Variants in DHX33 observed in about 807,000 individuals in gnomAD.
DHX33 encodes the protein DEAH-box helicase 33.
In DHX33, 42 loss-of-function variants were observed where a neutral mutation model predicts 72.5. The ratio of observed to expected loss-of-function variants is 0.58; its 90% CI spans 0.45 to 0.75. The LOEUF (loss-of-function observed/expected upper bound fraction) is 0.75, where lower values mean the gene tolerates loss of function less well. Ranked by LOEUF, DHX33 falls within the 30% of genes least tolerant of loss-of-function variation. The pLI is 0.00. For missense variants in DHX33, 842 were observed against 917.5 expected, an observed-to-expected ratio of 0.92 and a Z score of 1.06; for synonymous variants, 358 against 366.1, an observed-to-expected ratio of 0.98 and a Z score of 0.25.
intron 8 of DHX33, 86 bp downstream of exon 8, chr17:5,453,494 C>T (rs1917043914): frequency 9.5e-7 from 1 of 1,047,432 alleles, no homozygotes; most frequent in African/African-American, 1.6e-5. Context: ...AAGGAGATGA[C>T]CAATATACTT....
intron 1 of DHX33, among the ~76,000 whole-genome samples, chr17:5,465,582 T>G (rs150138155): frequency 1.3e-5 from 2 of 152,362 alleles, no homozygotes; most frequent in East Asian, 3.9e-4. Context: ...TCCAAAACTT[T>G]TTGAGCATCT....
rs1916537050 is a variant in DHX33 at position 5,444,094 on chromosome 17, C to G, written c.*111G>C. 3.1e-6 allele frequency: 4 copies of G among 1,305,044 alleles called. No individual in the cohort carries two copies. The highest frequency in any genetic ancestry group is 4.2e-6 in the Non-Finnish European group (4 of 960,666). The allele number at this position is 1,305,044 out of a possible 1,614,324, so 80.8% of individuals were successfully genotyped here. A position where few individuals can be genotyped will look rare whatever the true frequency, so the allele number is the denominator to read the frequency against. ...CTTTCACGCTCCTGGAAGTCAGGCA[C>G]CTTCAGCTGATTCCAAGGCTTCTCT... On this transcript the variant is annotated 3_prime_UTR_variant, in exon 12 of 12. Coordinates refer to ENST00000225296, the MANE Select transcript of DHX33 (RefSeq NM_020162.4). This position sits in a 1 kb window ranked among gnomAD's most constrained non-coding sequence, Gnocchi z 4.9.
intron 11 of DHX33, among the ~76,000 whole-genome samples, chr17:5,445,066 G>A (rs868760056): frequency 2.0e-5 from 3 of 151,368 alleles, no homozygotes; most frequent in Middle Eastern, 3.2e-3. Flanking sequence ...TCCTCTCACC[G>A]CTCTTTTTCT....
chr17:5,461,672 C>G (rs931515195), intron 3 of DHX33, among the ~76,000 whole-genome samples: 1 of 151,280 alleles, frequency 6.6e-6, no homozygotes, highest in African/African-American at 2.4e-5. Context: ...CTCAGCCTCC[C>G]TAGTAGCTGG....
At chr17:5,451,293 C>T (rs1323083420) in intron 8 of DHX33, among the ~76,000 whole-genome samples, 3 of 152,076 alleles carry the variant, frequency 2.0e-5, no homozygotes, top group Non-Finnish European at 2.9e-5. Flanking sequence ...TTTAGTGAGA[C>T]GGGGTTTCAC....
At chr17:5,452,462 C>A (rs1197557413) in intron 8 of DHX33, among the ~76,000 whole-genome samples, 1 of 152,308 alleles carries the variant, frequency 6.6e-6, no homozygotes, top group East Asian at 1.9e-4. Flanking sequence ...ATCACCTGAA[C>A]CCGGCAGGTG....
chr17:5,455,388 CATT>C (rs1917145589), intron 5 of DHX33, 117 bp from the exon 6 acceptor site: 1 of 817,460 alleles, frequency 1.2e-6, no homozygotes. Context: ...AAGATGACTC[CATT>C]ATTAATGGCA....
intron 8 of DHX33, among the ~76,000 whole-genome samples, chr17:5,452,266 G>A (rs931992405): frequency 5.9e-5 from 9 of 152,280 alleles, no homozygotes; most frequent in South Asian, 2.1e-4. Flanking sequence ...CAGGCTGGGC[G>A]TGGTGGCTCA....
chr17:5,455,888 T>G (rs17637384), intron 5 of DHX33, 109 bp downstream of exon 5: 29,405 of 1,211,490 alleles, frequency 0.024, 492 homozygotes, highest in Middle Eastern at 0.05. Context: ...GGCACCTGGG[T>G]ATCCCATCCC....
At position 5,443,541 on chromosome 17, in the gene DHX33, G is replaced by A. The variant is rs796203643; in HGVS notation, c.*664C>T. The A allele has an allele frequency of 2.3e-4, 35 of 152,208 alleles. No individual in the cohort carries two copies. Among genetic ancestry groups the A allele is most frequent in the African/African-American group, 8.4e-4 (35 of 41,472 alleles). 9.4% of individuals were successfully genotyped at this position (152,208 alleles called of 1,614,324 possible). A position where few individuals can be genotyped will look rare whatever the true frequency, so the allele number is the denominator to read the frequency against. ...CTCTGCTTGGAGACAGACACAGAGTGGTCCACCCTGAGACACAAGCGTTCA... is the reference window on the plus strand; with the variant it reads ...CTCTGCTTGGAGACAGACACAGAGTAGTCCACCCTGAGACACAAGCGTTCA... On this transcript the variant is annotated 3_prime_UTR_variant, in exon 12 of 12. Coordinates refer to ENST00000225296, the MANE Select transcript of DHX33 (RefSeq NM_020162.4).
At chr17:5,454,134 T>G (rs1917085775) in intron 6 of DHX33, among the ~76,000 whole-genome samples, 154 bp from the exon 7 acceptor site, 1 of 152,160 alleles carries the variant, frequency 6.6e-6, no homozygotes, top group African/African-American at 2.4e-5. Flanking sequence ...ACCAGACTGC[T>G]CCGCAGCGGT....
chr17:5,457,722 C>T (rs1404664059), intron 4 of DHX33, among the ~76,000 whole-genome samples: 2 of 149,802 alleles, frequency 1.3e-5, no homozygotes, highest in Non-Finnish European at 3.0e-5. Flanking sequence ...TATTTTTTTT[C>T]AGCCCAGTAT....
chr17:5,454,118 C>T (rs1917085137), intron 6 of DHX33, 138 bp from the exon 7 acceptor site: 11 of 994,464 alleles, frequency 1.1e-5, no homozygotes, highest in Non-Finnish European at 1.6e-5. Context: ...CAATGGACAG[C>T]ACAAAACCAG....
intron 3 of DHX33, 61 bp downstream of exon 3, chr17:5,462,258 G>C: frequency 2.0e-6 from 3 of 1,511,774 alleles, no homozygotes; most frequent in Non-Finnish European, 1.8e-6. Flanking sequence ...TTCCTTCTGT[G>C]TGTTACGCAT....
At chr17:5,450,744 T>C (rs1273386632) in intron 9 of DHX33, 63 bp downstream of exon 9, 70 of 1,605,318 alleles carry the variant, frequency 4.4e-5, no homozygotes, top group Non-Finnish European at 5.3e-5. Context: ...GGGTAGATGG[T>C]ACTACTTTGG....
At chr17:5,446,842 T>C (rs976861841) in intron 11 of DHX33, among the ~76,000 whole-genome samples, 2 of 152,312 alleles carry the variant, frequency 1.3e-5, no homozygotes, top group East Asian at 3.9e-4. Context: ...AGAAAACTTA[T>C]GAAGCCAAGA....
In DHX33 at chr17:5,444,584, T is replaced by C. The variant is rs904287710; in HGVS notation, c.1816-71A>G. The C allele has an allele frequency of 2.1e-5, 31 of 1,492,302 alleles. No homozygotes were observed. In the African/African-American group the frequency reaches 4.1e-4, roughly 20 times the overall value. 92.4% of individuals were successfully genotyped at this position (1,492,302 alleles called of 1,614,324 possible). On this transcript the variant is annotated intron_variant, in intron 11 of 11. Transcript: ENST00000225296. This position sits in a 1 kb window ranked among gnomAD's most constrained non-coding sequence, Gnocchi z 4.9. ...CACTGGTCAGCACTACACAGCGTGT[T>C]GGGGCAACTGGACCCACTGGGGCAA...
Position 5,468,966 on chromosome 17 carries a change from G to T in DHX33, c.-107C>A. On this transcript the variant is annotated 5_prime_UTR_variant, in exon 1 of 12. Coordinates refer to ENST00000225296, the MANE Select transcript of DHX33 (RefSeq NM_020162.4). ...CCCTTCCTCGCCGCCACGTGCTGGC[G>T]GCTCCCGGCGACCACCGATGACCTC... 1.4e-6 allele frequency: 1 copy of T among 705,596 alleles called. No homozygotes were observed. The highest frequency in any genetic ancestry group is 2.2e-6 in the Non-Finnish European group (1 of 461,946). 43.7% of individuals were successfully genotyped at this position (705,596 alleles called of 1,614,324 possible).
rs200827964 is a variant in DHX33 at position 5,464,028 on chromosome 17, TAAAAATA to T, written c.290-346_290-340del. Among the ~76,000 whole-genome samples, 1,279 of 150,848 alleles carry T rather than the reference TAAAAATA, an allele frequency of 8.5e-3. 14 individuals are homozygous for T. Among genetic ancestry groups the T allele is most frequent in the East Asian group, 0.052 (265 of 5,082 alleles). ...TGAGACACTGTCTCAAAAAAAATAATAAAAATAAAAAAAGAAATGCAAATCGGCTGGG... is the reference window on the plus strand; with the variant it reads ...TGAGACACTGTCTCAAAAAAAATAATAAAAAAGAAATGCAAATCGGCTGGG... On this transcript the variant is annotated intron_variant, in intron 1 of 11. Coordinates refer to ENST00000225296, the MANE Select transcript of DHX33 (RefSeq NM_020162.4).
Sources: gnomAD v4.1 joint callset for allele counts (sites outside exome capture counted in the v4.1 genomes callset) on GRCh38, gnomAD v4.1.1 for gene constraint, Gnocchi (gnomAD v3.1) non-coding constraint, MANE v1.5 for transcripts, NCBI Gene and HGNC (gene_info 2026-07-23, HGNC 2026-07-21) for gene names.